Variants in STIM2 observed in about 807,000 individuals in gnomAD.
STIM2 encodes stromal interaction molecule 2.
A neutral mutation model predicts 85.8 loss-of-function variants in STIM2; 31 were observed. That is an observed-to-expected ratio of 0.36 (90% confidence interval 0.27 to 0.49). The LOEUF is 0.49. Among genes scored for constraint, STIM2 ranks in the 20% least tolerant of loss-of-function variants. STIM2 has a pLI of 0.98. For missense variants in STIM2, 841 were observed against 927.6 expected, an observed-to-expected ratio of 0.91 and a Z score of 1.21; for synonymous variants, 356 against 331.1, an observed-to-expected ratio of 1.08 and a Z score of -0.82.
intron 1 of STIM2, among the ~76,000 whole-genome samples, chr4:26,901,023 A>G (rs1723899808): frequency 6.6e-6 from 1 of 152,164 alleles, no homozygotes; most frequent in Non-Finnish European, 1.5e-5. Context: ...GTCTGATCTC[A>G]TTTAAGAATT....
At chr4:26,884,071 A>G (rs1723121209) in intron 1 of STIM2, among the ~76,000 whole-genome samples, 1 of 152,200 alleles carries the variant, frequency 6.6e-6, no homozygotes, top group South Asian at 2.1e-4. Context: ...TGAGTTCCTT[A>G]TATTTCTCTG....
intron 1 of STIM2, among the ~76,000 whole-genome samples, chr4:26,885,537 A>G (rs1723184554): frequency 2.0e-5 from 3 of 152,064 alleles, no homozygotes; most frequent in Non-Finnish European, 4.4e-5. Context: ...AGACTGGAAA[A>G]TAGGGGTATC....
chr4:26,868,282 C>G (rs916601163), intron 1 of STIM2, among the ~76,000 whole-genome samples: 1 of 152,124 alleles, frequency 6.6e-6, no homozygotes, highest in Non-Finnish European at 1.5e-5. Flanking sequence ...CCAAGTGTTT[C>G]TTTTTGCGTA....
intron 9 of STIM2, 55 bp downstream of exon 9, chr4:27,008,583 T>G (rs993094711): frequency 2.3e-5 from 30 of 1,299,666 alleles, no homozygotes; most frequent in African/African-American, 3.0e-5. Flanking sequence ...TTAAAATGAG[T>G]AATTTGTGAA....
In STIM2 at chr4:26,867,341, T is replaced by C. The variant is rs574647753; in HGVS notation, c.151+5972T>C. 2.0e-4 allele frequency among the ~76,000 whole-genome samples: 31 copies of C among 152,284 alleles called. No individual in the cohort carries two copies. The Middle Eastern group carries it at 0.02, about 100-fold the overall frequency. The stretch of plus-strand genomic sequence containing the variant: ...TGTGCCTATTTCTTAATATAAAGAT[T>C]AGTTTTTAAAAAAATATAATCGGGC... On this transcript the variant is annotated intron_variant, in intron 1 of 11. Coordinates refer to ENST00000467087, the MANE Select transcript of STIM2 (RefSeq NM_020860.4).
chr4:26,936,707 G>A (rs1725404147), intron 2 of STIM2, among the ~76,000 whole-genome samples: 1 of 152,202 alleles, frequency 6.6e-6, no homozygotes, highest in Non-Finnish European at 1.5e-5. Context: ...ATAACTGACT[G>A]TAGTATGAGA....
chr4:26,992,830 AAGG>A (rs879925611), intron 3 of STIM2, among the ~76,000 whole-genome samples: 1 of 152,144 alleles, frequency 6.6e-6, no homozygotes, highest in Non-Finnish European at 1.5e-5. Context: ...ACCACAGCAA[AAGG>A]AGAAGTGAAT....
chr4:27,023,068 C>A lies in STIM2; in HGVS notation c.*72C>A, dbSNP rs1391001281. On this transcript the variant is annotated 3_prime_UTR_variant, in exon 12 of 12. Transcript: ENST00000467087. The stretch of plus-strand genomic sequence containing the variant: ...TTATCCCCCACCCTCCACTCCCCAC[C>A]TTTTTTTTGGTTTAATTTTAGGAAT... 2.1e-6 allele frequency: 3 copies of A among 1,423,554 alleles called. No individual in the cohort carries two copies. The highest frequency in any genetic ancestry group is 2.3e-5 in the East Asian group (1 of 43,780). The allele number at this position is 1,423,554 out of a possible 1,614,324, so 88.2% of individuals were successfully genotyped here.
chr4:26,877,080 A>G (rs1317294195), intron 1 of STIM2, among the ~76,000 whole-genome samples: 2 of 152,040 alleles, frequency 1.3e-5, no homozygotes. Context: ...ATCTTTTCAG[A>G]TAATTCTTTT....
At chr4:26,974,626 T>C (rs1262016531) in intron 3 of STIM2, among the ~76,000 whole-genome samples, 3 of 152,264 alleles carry the variant, frequency 2.0e-5, no homozygotes, top group Non-Finnish European at 4.4e-5. Context: ...CTGATGGGCT[T>C]CCCTTTGTGG....
intron 2 of STIM2, among the ~76,000 whole-genome samples, chr4:26,928,336 G>C (rs544752098): frequency 3.3e-5 from 5 of 152,120 alleles, no homozygotes; most frequent in African/African-American, 9.6e-5. Flanking sequence ...AAAAATAGCA[G>C]AAATCCACAT....
chr4:27,010,974 T>C (rs1728535551), intron 10 of STIM2, among the ~76,000 whole-genome samples: 1 of 152,202 alleles, frequency 6.6e-6, no homozygotes. Context: ...TAAACTTTCC[T>C]ATAAAGCCAT....
chr4:26,920,485 C>A (rs1724756156), intron 2 of STIM2, among the ~76,000 whole-genome samples: 1 of 152,136 alleles, frequency 6.6e-6, no homozygotes, highest in Non-Finnish European at 1.5e-5. Flanking sequence ...AACCAAATCC[C>A]CTGGTCATTT....
intron 1 of STIM2, among the ~76,000 whole-genome samples, chr4:26,885,744 T>C (rs1723194475): frequency 6.7e-6 from 1 of 148,436 alleles, no homozygotes; most frequent in South Asian, 2.1e-4. Context: ...ATGTAGTTTA[T>C]AAGAGCAGTA....
intron 1 of STIM2, among the ~76,000 whole-genome samples, chr4:26,884,911 A>G (rs1577414920): frequency 6.6e-6 from 1 of 152,236 alleles, no homozygotes; most frequent in East Asian, 1.9e-4. Context: ...TCACAACAAG[A>G]TTCACATCCT....
At chr4:26,963,199 A>G (rs1443924047) in intron 3 of STIM2, among the ~76,000 whole-genome samples, 1 of 152,172 alleles carries the variant, frequency 6.6e-6, no homozygotes, top group African/African-American at 2.4e-5. Context: ...GGAAATATAA[A>G]GAAAAAAATT....
chr4:26,937,821 T>C (rs77363670), intron 2 of STIM2, among the ~76,000 whole-genome samples: 122 of 152,340 alleles, frequency 8.0e-4, no homozygotes, highest in Non-Finnish European at 1.3e-3. Flanking sequence ...ATTAAATTGA[T>C]CTAAGTTTTG....
intron 3 of STIM2, among the ~76,000 whole-genome samples, chr4:26,976,196 C>G (rs772963691): frequency 6.6e-5 from 10 of 152,030 alleles, no homozygotes; most frequent in Non-Finnish European, 5.9e-5. Flanking sequence ...CGACCCCTTG[C>G]ACTTCTCGGG....
chr4:26,884,615 T>C (rs573226488), intron 1 of STIM2, among the ~76,000 whole-genome samples: 2 of 152,334 alleles, frequency 1.3e-5, no homozygotes, highest in South Asian at 4.1e-4. Flanking sequence ...TACAAGCTAT[T>C]TTAAGAAGGG....
Sources: gnomAD v4.1 joint callset for allele counts (sites outside exome capture counted in the v4.1 genomes callset) on GRCh38, gnomAD v4.1.1 for gene constraint, MANE v1.5 for transcripts, NCBI Gene and HGNC (gene_info 2026-07-23, HGNC 2026-07-21) for gene names.